TMEM62: variants seen among roughly 807,000 people sequenced by gnomAD.
The protein encoded by TMEM62 is transmembrane protein 62.
TMEM62 carries 41 observed loss-of-function variants against 70.4 expected under a neutral mutation model. The ratio of observed to expected loss-of-function variants is 0.58; its 90% CI spans 0.45 to 0.76. The LOEUF (loss-of-function observed/expected upper bound fraction) is 0.76, where lower values mean the gene tolerates loss of function less well. TMEM62 is among the 30% of genes least tolerant of loss of function. The probability of loss-of-function intolerance (pLI) is 0.00; values close to 1 mark genes in which losing one functional copy is unlikely to be tolerated. For missense variants in TMEM62, 688 were observed against 788.5 expected (o/e 0.87, Z 1.53); for synonymous variants, 268 against 291.0 (o/e 0.92, Z 0.80).
Position 43,184,803 on chromosome 15 carries a change from C to G in TMEM62, c.*217C>G. On this transcript the variant is annotated 3_prime_UTR_variant, in exon 14 of 14. Transcript: ENST00000260403. ...TCAAAAATAATGCCTTTATTCCTTC[C>G]CTCCCTAAGGAGGCAAAGAGTTGAT... 1.7e-6 allele frequency: 1 copy of G among 577,810 alleles called. No homozygotes were observed. The allele number at this position is 577,810 out of a possible 1,614,324, so 35.8% of individuals were successfully genotyped here. A position where few individuals can be genotyped will look rare whatever the true frequency, so the allele number is the denominator to read the frequency against.
rs574673818 is a variant in TMEM62 at position 43,184,799 on chromosome 15, C to T, written c.*213C>T. The T allele has an allele frequency of 7.7e-5, 45 of 581,308 alleles. No individual in the cohort carries two copies. The East Asian group carries it at 1.2e-3, about 16-fold the overall frequency. 36.0% of individuals were successfully genotyped at this position (581,308 alleles called of 1,614,324 possible). ...AGTCTCAAAAATAATGCCTTTATTC[C>T]TTCCCTCCCTAAGGAGGCAAAGAGT... On this transcript the variant is annotated 3_prime_UTR_variant, in exon 14 of 14. Transcript: ENST00000260403.
intron 11 of TMEM62, among the ~76,000 whole-genome samples, chr15:43,178,220 A>G (rs1378854822): frequency 6.6e-6 from 1 of 152,072 alleles, no homozygotes; most frequent in Non-Finnish European, 1.5e-5. Context: ...TCAAACCTAT[A>G]TAAAGATAAA....
intron 4 of TMEM62, among the ~76,000 whole-genome samples, chr15:43,138,898 C>A (rs1237930520): frequency 6.6e-6 from 1 of 152,106 alleles, no homozygotes; most frequent in Non-Finnish European, 1.5e-5. Context: ...AAAAAATGAG[C>A]CTTTTTGTCT....
Position 43,184,617 on chromosome 15 carries a change from G to A in TMEM62, c.*31G>A, listed in dbSNP as rs763130030. On this transcript the variant is annotated 3_prime_UTR_variant, in exon 14 of 14. Transcript: ENST00000260403. Reference sequence around the variant, plus strand: ...ATGTCTCACCACTGGCAGCTGGGCAGAAGCCCAGCCTCTGTGTCTGTAGCC... The same window carrying A: ...ATGTCTCACCACTGGCAGCTGGGCAAAAGCCCAGCCTCTGTGTCTGTAGCC... 28 of 1,584,386 alleles carry A rather than the reference G, an allele frequency of 1.8e-5. No homozygotes were observed. Among genetic ancestry groups the A allele is most frequent in the Non-Finnish European group, 2.4e-5 (28 of 1,164,098 alleles).
chr15:43,176,711 T>C (rs1356096985), intron 11 of TMEM62, among the ~76,000 whole-genome samples: 1 of 151,544 alleles, frequency 6.6e-6, no homozygotes, highest in African/African-American at 2.4e-5. Context: ...AGACCAAAAG[T>C]AGATAAAACC....
intron 3 of TMEM62, among the ~76,000 whole-genome samples, chr15:43,136,999 T>A (rs1485024792): frequency 6.6e-6 from 1 of 152,134 alleles, no homozygotes; most frequent in African/African-American, 2.4e-5. Context: ...GTGATCCTCC[T>A]ACCTCATTCT....
chr15:43,168,996 A>G (rs2039903266), intron 10 of TMEM62: 3 of 152,450 alleles, frequency 2.0e-5, no homozygotes, highest in African/African-American at 7.2e-5. Flanking sequence ...CTGTGACAGC[A>G]CTGAGTTCCA....
In TMEM62 at chr15:43,169,600, T is replaced by G; in HGVS notation, c.1304T>G (p.Val435Gly). The G allele has an allele frequency of 1.2e-6, 2 of 1,613,222 alleles. No homozygotes were observed. The highest frequency in any genetic ancestry group is 1.7e-6 in the Non-Finnish European group (2 of 1,179,318). ...ACATCTATTTCCCTGCAGGCCCGGG[T>G]CCTTTTTGTGCTGATTGTGCTGAGC... ...LRTDHYIMAR[V>G]LFVLIVLSQL... is the part of the protein sequence containing the mutation. Residue 435 changes from valine to glycine, a missense_variant, in exon 11 of 14, where the codon GTC (valine) becomes GGC (glycine). Transcript: ENST00000260403.
intron 10 of TMEM62, among the ~76,000 whole-genome samples, chr15:43,164,248 AAAAAG>A (rs1289046332): frequency 2.0e-5 from 3 of 152,170 alleles, no homozygotes; most frequent in African/African-American, 7.2e-5. Flanking sequence ...TCCATCTCTT[AAAAAG>A]AAAAGACTTA....
chr15:43,165,114 A>C (rs2039226719), intron 10 of TMEM62, among the ~76,000 whole-genome samples: 2 of 152,034 alleles, frequency 1.3e-5, no homozygotes, highest in South Asian at 4.1e-4. Flanking sequence ...TTTAGGTTAA[A>C]AAAGTTCTCT....
intron 12 of TMEM62, chr15:43,180,082 A>T (rs2041185349): frequency 6.6e-6 from 1 of 152,186 alleles, no homozygotes; most frequent in African/African-American, 2.4e-5. Context: ...ATTGCCTCTG[A>T]CTTTTTAAAG....
At chr15:43,161,131 T>C (rs1417672435) in intron 10 of TMEM62, among the ~76,000 whole-genome samples, 1 of 152,082 alleles carries the variant, frequency 6.6e-6, no homozygotes, top group Non-Finnish European at 1.5e-5. Context: ...AGGCATCCAC[T>C]GGGGGGGACT....
chr15:43,176,705 CA>C (rs1235384173), intron 11 of TMEM62, among the ~76,000 whole-genome samples: 1 of 151,828 alleles, frequency 6.6e-6, no homozygotes, highest in African/African-American at 2.4e-5. Flanking sequence ...CATCAAAGAC[CA>C]AAAGTAGATA....
intron 4 of TMEM62, among the ~76,000 whole-genome samples, chr15:43,143,868 T>C (rs1413515057): frequency 6.6e-6 from 1 of 152,246 alleles, no homozygotes; most frequent in Non-Finnish European, 1.5e-5. Context: ...TGTCAATCAA[T>C]CATGTAGCAA....
chr15:43,139,710 C>A (rs1013063694), intron 4 of TMEM62, among the ~76,000 whole-genome samples: 2 of 152,202 alleles, frequency 1.3e-5, no homozygotes, highest in African/African-American at 4.8e-5. Context: ...AAAGCCTAAT[C>A]CAGAGCAAGA....
At chr15:43,153,676 G>A (rs2037680786) in intron 8 of TMEM62, among the ~76,000 whole-genome samples, 1 of 151,846 alleles carries the variant, frequency 6.6e-6, no homozygotes, top group Non-Finnish European at 1.5e-5. Context: ...GTGTGTGTGT[G>A]TGTGTGTGTG....
chr15:43,167,997 G>A (rs888397223), intron 10 of TMEM62, among the ~76,000 whole-genome samples: 1 of 152,008 alleles, frequency 6.6e-6, no homozygotes, highest in African/African-American at 2.4e-5. Flanking sequence ...GGCGGCGCAC[G>A]CCTGCAATCG....
rs771543720 is a variant in TMEM62 at position 43,133,990 on chromosome 15, G to A, written c.180+8G>A. On this transcript the variant is annotated splice_region_variant and intron_variant, in intron 1 of 13. Transcript: ENST00000260403. ...ATCTTCTGGGGCCTGCAGGTGACGC[G>A]GCGGGAAGCCGGGCCGGGAGGCAGG... 5.6e-6 allele frequency: 8 copies of A among 1,439,642 alleles called. No individual in the cohort carries two copies. Among genetic ancestry groups the A allele is most frequent in the African/African-American group, 1.4e-5 (1 of 69,210 alleles). 89.2% of individuals were successfully genotyped at this position (1,439,642 alleles called of 1,614,324 possible). A position where few individuals can be genotyped will look rare whatever the true frequency, so the allele number is the denominator to read the frequency against.
At chr15:43,157,991 C>T (rs2038250335) in intron 9 of TMEM62, among the ~76,000 whole-genome samples, 1 of 152,160 alleles carries the variant, frequency 6.6e-6, no homozygotes, top group African/African-American at 2.4e-5. Flanking sequence ...CCTTACCTCC[C>T]CCCTCTTTTT....
Sources: gnomAD v4.1 joint callset for allele counts (sites outside exome capture counted in the v4.1 genomes callset) on GRCh38, gnomAD v4.1.1 for gene constraint, MANE v1.5 for transcripts, NCBI Gene and HGNC (gene_info 2026-07-23, HGNC 2026-07-21) for gene names.